The following TPD52L1 variants were observed in gnomAD, a reference collection of about 807,000 sequenced individuals.
TPD52L1 encodes TPD52 like 1, also known as tumor protein D53.
A neutral mutation model predicts 28.7 loss-of-function variants in TPD52L1; 18 were observed. The ratio of observed to expected loss-of-function variants is 0.63; its 90% confidence interval spans 0.43 to 0.93. The LOEUF is 0.93. TPD52L1 is among the 40% of genes least tolerant of loss of function. The pLI is 0.00. For synonymous variants in TPD52L1, 75 were observed against 88.8 expected (o/e 0.84, Z 0.88); for missense variants, 203 against 254.8 (o/e 0.80, Z 1.39).
In TPD52L1 at chr6:125,155,898, G is replaced by C. The variant is rs543685079; in HGVS notation, c.19+1928G>C. On this transcript the variant is annotated intron_variant, in intron 1 of 6. Transcript: ENST00000534000. Reference sequence around the variant, plus strand: ...AACAAGCATGGAAGGTATTAGGTTGGTGCAAAAGTAATTGCAATTTTTGCC... The same window carrying C: ...AACAAGCATGGAAGGTATTAGGTTGCTGCAAAAGTAATTGCAATTTTTGCC... Among the ~76,000 whole-genome samples, 20 of 152,246 alleles carry C rather than the reference G, an allele frequency of 1.3e-4. 1 individual carries two copies. The South Asian group carries it at 3.7e-3, about 28-fold the overall frequency.
At chr6:125,253,483 A>G in intron 4 of TPD52L1, 1 of 527,902 alleles carries the variant, frequency 1.9e-6, no homozygotes, top group South Asian at 2.7e-5. Context: ...AGGCTGCAGA[A>G]AGTAAAATAA....
intron 4 of TPD52L1, chr6:125,253,497 G>A: frequency 1.8e-6 from 1 of 542,940 alleles, no homozygotes; most frequent in South Asian, 2.6e-5. Flanking sequence ...AAAATAATAT[G>A]CAACCACGGA....
At chr6:125,172,550 AT>A (rs1562215000) in intron 1 of TPD52L1, among the ~76,000 whole-genome samples, 28 of 90,844 alleles carry the variant, frequency 3.1e-4, no homozygotes, top group Admixed American at 3.8e-4. Flanking sequence ...ATATATATAT[AT>A]AATATATATA....
chr6:125,185,423 G>A (rs1480183172), intron 1 of TPD52L1, among the ~76,000 whole-genome samples: 6 of 152,000 alleles, frequency 3.9e-5, no homozygotes, highest in African/African-American at 7.2e-5. Context: ...TCAAAAGAGC[G>A]TTTACAGACC....
At chr6:125,193,317 CCCT>C (rs1446130973) in intron 1 of TPD52L1, among the ~76,000 whole-genome samples, 2 of 152,114 alleles carry the variant, frequency 1.3e-5, no homozygotes, top group Non-Finnish European at 2.9e-5. Flanking sequence ...CCTTTCCTTT[CCCT>C]CATCCTTTCC....
At chr6:125,230,376 A>C (rs1453980509) in intron 3 of TPD52L1, among the ~76,000 whole-genome samples, 2 of 152,106 alleles carry the variant, frequency 1.3e-5, no homozygotes, top group African/African-American at 2.4e-5. Flanking sequence ...CTTTATCCCT[A>C]GCCGTAACTT....
chr6:125,166,341 A>C (rs1347180995), intron 1 of TPD52L1, among the ~76,000 whole-genome samples: 1 of 152,180 alleles, frequency 6.6e-6, no homozygotes, highest in Non-Finnish European at 1.5e-5. Context: ...TCATTTCTAC[A>C]TAAAGACGTC....
At chr6:125,241,982 C>T (rs952403614) in intron 3 of TPD52L1, among the ~76,000 whole-genome samples, 16 of 151,906 alleles carry the variant, frequency 1.1e-4, no homozygotes, top group African/African-American at 3.9e-4. Flanking sequence ...TTCCTCTTAG[C>T]ACTGCTTTTG....
chr6:125,253,661 T>G, intron 4 of TPD52L1, 56 bp from the exon 5 acceptor site: 1 of 1,503,110 alleles, frequency 6.7e-7, no homozygotes, highest in Non-Finnish European at 9.2e-7. Context: ...TTCATGTACT[T>G]ATGTGTGCTC....
intron 1 of TPD52L1, among the ~76,000 whole-genome samples, chr6:125,171,794 T>C (rs775079740): frequency 4.5e-4 from 69 of 152,338 alleles, no homozygotes; most frequent in Admixed American, 1.6e-3. Flanking sequence ...AAGCTGTGCC[T>C]GGATTTCTGA....
intron 2 of TPD52L1, among the ~76,000 whole-genome samples, chr6:125,225,284 A>G (rs1324452198): frequency 6.6e-6 from 1 of 152,174 alleles, no homozygotes; most frequent in Non-Finnish European, 1.5e-5. Context: ...CCTTTGGTCT[A>G]CTGTGAATAG....
chr6:125,172,162 TTTCTTTCTTTC>T (rs1562211830), intron 1 of TPD52L1, among the ~76,000 whole-genome samples: 89 of 48,288 alleles, frequency 1.8e-3, no homozygotes, highest in Non-Finnish European at 3.0e-3. Flanking sequence ...CTTTCTTTTC[TTTCTTTCTTTC>T]TTTCTTTCTT....
rs3799758 is a variant in TPD52L1, at chr6:125,192,071, G to C, written c.20-28007G>C. Among the ~76,000 whole-genome samples the C allele has an allele frequency of 1.4e-3, 212 of 152,266 alleles. 1 individual carries two copies. In the East Asian group the frequency reaches 0.022, roughly 16 times the overall value. On this transcript the variant is annotated intron_variant, in intron 1 of 6. Transcript: ENST00000534000. ...AAGAAAGCCACGTTCTTTCCTCACT[G>C]TTCCCTTAGGGCCTTTGTTGTAGGA...
chr6:125,154,081 A>C, intron 1 of TPD52L1, 111 bp downstream of exon 1: 2 of 1,446,586 alleles, frequency 1.4e-6, no homozygotes, highest in East Asian at 2.7e-5. Context: ...GCCGTGTTGC[A>C]CATCCAGAAC....
At chr6:125,258,307 C>G (rs1446552441) in intron 6 of TPD52L1, among the ~76,000 whole-genome samples, 1 of 152,184 alleles carries the variant, frequency 6.6e-6, no homozygotes, top group Non-Finnish European at 1.5e-5. Context: ...AGTTTCACCG[C>G]TCTGCATGCC....
chr6:125,216,459 C>T (rs1021395777), intron 1 of TPD52L1, among the ~76,000 whole-genome samples: 9 of 146,900 alleles, frequency 6.1e-5, no homozygotes, highest in Non-Finnish European at 1.0e-4. Context: ...TCTTTACACA[C>T]GAAAAGATAT....
intron 1 of TPD52L1, among the ~76,000 whole-genome samples, chr6:125,203,235 G>A (rs183263327): frequency 5.9e-5 from 9 of 152,206 alleles, no homozygotes; most frequent in African/African-American, 9.6e-5. Context: ...ATACACTATG[G>A]GAGTTTGTTC....
intron 1 of TPD52L1, among the ~76,000 whole-genome samples, chr6:125,178,703 A>G (rs1251211589): frequency 2.0e-5 from 3 of 152,048 alleles, no homozygotes; most frequent in African/African-American, 2.4e-5. Context: ...GAAAAAATCA[A>G]TGAAGGCAGG....
intron 1 of TPD52L1, among the ~76,000 whole-genome samples, chr6:125,185,115 A>G (rs1237209161): frequency 6.6e-6 from 1 of 152,344 alleles, no homozygotes; most frequent in Non-Finnish European, 1.5e-5. Flanking sequence ...AGCAATTTGT[A>G]AAGTCATAAA....
Sources: gnomAD v4.1 joint callset for allele counts (sites outside exome capture counted in the v4.1 genomes callset) on GRCh38, gnomAD v4.1.1 for gene constraint, MANE v1.5 for transcripts, NCBI Gene and HGNC (gene_info 2026-07-23, HGNC 2026-07-21) for gene names.